The following ZNF667 variants were observed in gnomAD, a reference collection of about 807,000 sequenced individuals.
The protein encoded by ZNF667 is zinc finger protein 667, also known as myocardial ischemic preconditioning upregulated 1 ortholog.
Under a neutral mutation model 31.8 loss-of-function variants are expected in ZNF667, and 13 were observed. That is an observed-to-expected ratio of 0.41 (90% CI 0.27 to 0.65). The LOEUF (loss-of-function observed/expected upper bound fraction) is 0.65, where lower values mean the gene tolerates loss of function less well. Among genes scored for constraint, ZNF667 ranks in the 30% least tolerant of loss-of-function variants. The pLI is 0.32. For missense variants in ZNF667, 642 were observed against 725.6 expected, an observed-to-expected ratio of 0.88 and a Z score of 1.32; for synonymous variants, 228 against 247.1, an observed-to-expected ratio of 0.92 and a Z score of 0.73.
rs2042587716 is a variant in ZNF667 at position 56,440,934 on chromosome 19, T to C, written c.*228A>G. On this transcript the variant is annotated 3_prime_UTR_variant, in exon 7 of 7. Transcript: ENST00000504904. Reference sequence around the variant, plus strand: ...CACTGCGCCCAGCCAGTAATTCTTATCAAATGAAAAATGATCTTCATTCAC... The same window carrying C: ...CACTGCGCCCAGCCAGTAATTCTTACCAAATGAAAAATGATCTTCATTCAC... 7.3e-7 allele frequency: 1 copy of C among 1,367,496 alleles called. No homozygotes were observed. The allele number at this position is 1,367,496 out of a possible 1,614,324, so 84.7% of individuals were successfully genotyped here.
intron 5 of ZNF667, 75 bp downstream of exon 5, chr19:56,460,614 T>A: frequency 6.7e-7 from 1 of 1,487,898 alleles, no homozygotes; most frequent in South Asian, 1.4e-5. Flanking sequence ...TGGCTTCCAT[T>A]TTCCTGACTA....
At chr19:56,451,686 T>C (rs145551458) in intron 6 of ZNF667, among the ~76,000 whole-genome samples, 4 of 151,940 alleles carry the variant, frequency 2.6e-5, no homozygotes, top group African/African-American at 4.8e-5. Context: ...CTGGGCACCA[T>C]GGTGAAATCC....
In ZNF667 at chr19:56,477,307, A is replaced by G. The variant is rs2043435771; in HGVS notation, c.-697T>C. 6.6e-6 allele frequency: 1 copy of G among 151,764 alleles called. No homozygotes were observed. Among genetic ancestry groups the G allele is most frequent in the Non-Finnish European group, 1.5e-5 (1 of 67,922 alleles). The allele number at this position is 151,764 out of a possible 1,614,324, so 9.4% of individuals were successfully genotyped here. ...CCGGGCTCAGACCCCGGCGGCGACC[A>G]CCGAGACAGCCGAGCAGGGACTCAG... On this transcript the variant is annotated 5_prime_UTR_variant, in exon 1 of 7. Coordinates refer to ENST00000504904, the MANE Select transcript of ZNF667 (RefSeq NM_001321356.2).
intron 6 of ZNF667, among the ~76,000 whole-genome samples, chr19:56,455,210 G>A (rs548198759): frequency 6.6e-5 from 10 of 152,180 alleles, no homozygotes; most frequent in South Asian, 2.1e-4. Flanking sequence ...GGGAACCCTC[G>A]TACACTGTGG....
chr19:56,440,560 T>C lies in ZNF667; in HGVS notation c.*602A>G, dbSNP rs769155628. Reference sequence around the variant, plus strand: ...ACCTTAAATCAGGCTCAGAGCCCTATAATGGACTTCACAATTCTATTTTGT... The same window carrying C: ...ACCTTAAATCAGGCTCAGAGCCCTACAATGGACTTCACAATTCTATTTTGT... On this transcript the variant is annotated 3_prime_UTR_variant, in exon 7 of 7. Transcript: ENST00000504904. The C allele has an allele frequency of 2.1e-6, 2 of 971,852 alleles. No homozygotes were observed. Among genetic ancestry groups the C allele is most frequent in the East Asian group, 2.3e-4 (2 of 8,766 alleles). The allele number at this position is 971,852 out of a possible 1,614,324, so 60.2% of individuals were successfully genotyped here.
intron 6 of ZNF667, among the ~76,000 whole-genome samples, chr19:56,443,176 C>T (rs770238821): frequency 6.6e-6 from 1 of 152,080 alleles, no homozygotes; most frequent in Non-Finnish European, 1.5e-5. Context: ...TGTTCTAATA[C>T]TGGATCATAT....
intron 3 of ZNF667, among the ~76,000 whole-genome samples, chr19:56,469,160 C>T (rs1423083765): frequency 1.3e-5 from 2 of 152,178 alleles, no homozygotes; most frequent in African/African-American, 2.4e-5. Context: ...TCGCTGAAGC[C>T]GGCCTGTGAG....
intron 3 of ZNF667, among the ~76,000 whole-genome samples, chr19:56,467,462 CCAAG>C (rs1235306609): frequency 6.6e-6 from 1 of 152,184 alleles, no homozygotes; most frequent in Non-Finnish European, 1.5e-5. Context: ...TTTCCACACA[CCAAG>C]CAAGCAATCA....
intron 6 of ZNF667, among the ~76,000 whole-genome samples, chr19:56,446,966 T>G (rs1265301806): frequency 2.0e-5 from 3 of 152,150 alleles, no homozygotes; most frequent in Non-Finnish European, 4.4e-5. Context: ...TCTCCCCATC[T>G]TCAATGTGGA....
In ZNF667 at chr19:56,458,176, C is replaced by G; in HGVS notation, c.232G>C (p.Val78Leu). 6.2e-7 allele frequency: 1 copy of G among 1,614,238 alleles called. No individual in the cohort carries two copies. Among genetic ancestry groups the G allele is most frequent in the Non-Finnish European group, 8.5e-7 (1 of 1,180,040 alleles). Reference protein sequence around the residue: ...KGKAPWMVEPVRRRRAPDSGS... With the variant: ...KGKAPWMVEPLRRRRAPDSGS... ...TCACCAGGAGCCCGGCGTCTTCTTA[C>G]TGGCTCTACCATCCAGGGTGCTTTC... Residue 78 changes from valine (V) to leucine (L), a missense_variant, in exon 6 of 7, where the codon GTA (valine) becomes CTA (leucine). By Grantham distance (32) the Val-to-Leu change is conservative. Coordinates refer to ENST00000504904, the MANE Select transcript of ZNF667 (RefSeq NM_001321356.2).
intron 5 of ZNF667, among the ~76,000 whole-genome samples, chr19:56,459,034 A>G (rs950202392): frequency 6.6e-5 from 10 of 152,042 alleles, no homozygotes; most frequent in African/African-American, 2.4e-4. Flanking sequence ...GGGATCTGAC[A>G]CTATCTCCAG....
rs559480272 is a variant in ZNF667, at chr19:56,463,079, C to T, written c.-59-650G>A. ...GTGTACTGAGGCAGAGTGAGTGCAG[C>T]GGGGAGGGTGGGCTAAGGCAGGCAG... On this transcript the variant is annotated intron_variant, in intron 3 of 6. Coordinates refer to ENST00000504904, the MANE Select transcript of ZNF667 (RefSeq NM_001321356.2). Among the ~76,000 whole-genome samples, 14 of 151,370 alleles carry T rather than the reference C, an allele frequency of 9.2e-5. No homozygotes were observed. In the South Asian group the frequency reaches 2.3e-3, roughly 25 times the overall value.
At chr19:56,467,077 A>G (rs1568452922) in intron 3 of ZNF667, 1 of 456,450 alleles carries the variant, frequency 2.2e-6, no homozygotes, top group Non-Finnish European at 4.4e-6. Context: ...CTGGGCAAGA[A>G]GGGGCGGGGT....
rs778107100 is a variant in ZNF667 at position 56,442,532 on chromosome 19, G to A, written c.463C>T (p.Arg155Ter). The A allele has an allele frequency of 1.3e-5, 21 of 1,613,882 alleles. No homozygotes were observed. Among genetic ancestry groups the A allele is most frequent in the Non-Finnish European group, 1.7e-5 (20 of 1,179,918 alleles). Residue 155 changes from arginine to a stop codon, truncating the protein, a stop_gained, in exon 7 of 7, where the codon CGA (arginine) becomes TGA (stop). Transcript: ENST00000504904. LOFTEE classifies it low-confidence loss of function (END_TRUNC). ...KCNDCGKTFSRSFSLKLHQNI... is the reference protein window; with the variant it reads ...KCNDCGKTFS ...TGATGAAGTTTAAGAGAGAAGCTTC[G>A]ACTAAAGGTTTTACCACAGTCATTA...
rs532445098 is a variant in ZNF667, at chr19:56,440,640, A to T, written c.*522T>A. 3,500 of 834,380 alleles carry T rather than the reference A, an allele frequency of 4.2e-3. 84 individuals are homozygous for T. In the African/African-American group the frequency reaches 0.058, roughly 14 times the overall value. 51.7% of individuals were successfully genotyped at this position (834,380 alleles called of 1,614,324 possible). A position where few individuals can be genotyped will look rare whatever the true frequency, so the allele number is the denominator to read the frequency against. Reference sequence around the variant, plus strand: ...CTATGCTGGAAGTAAAATATCGGTAATTTTTTTTTTTTTTGACACAGAGTC... The same window carrying T: ...CTATGCTGGAAGTAAAATATCGGTATTTTTTTTTTTTTTTGACACAGAGTC... On this transcript the variant is annotated 3_prime_UTR_variant, in exon 7 of 7. Coordinates refer to ENST00000504904, the MANE Select transcript of ZNF667 (RefSeq NM_001321356.2).
rs761364837 is a variant in ZNF667 at position 56,441,751 on chromosome 19, A to T, written c.1244T>A (p.Phe415Tyr). 3 of 1,614,010 alleles carry T rather than the reference A, an allele frequency of 1.9e-6. No homozygotes were observed. Among genetic ancestry groups the T allele is most frequent in the Admixed American group, 3.3e-5 (2 of 59,982 alleles). The change falls in exon 7 of 7, where the codon TTT (phenylalanine) becomes TAT (tyrosine). Residue 415 changes from phenylalanine to tyrosine, a missense_variant. By Grantham distance (22) the Phe-to-Tyr change is conservative. Transcript: ENST00000504904. This position sits in a 1 kb window ranked among gnomAD's most constrained non-coding sequence, Gnocchi z 4.2. ...CATCTTCCCACATTCCTTACACTCA[A>T]ATAGTTTCTTTTTCTTTGTATGAAC... ...QKVHTKKKKL[F>Y]ECKECGKMFS...
At chr19:56,464,914 G>C (rs1213660003) in intron 3 of ZNF667, among the ~76,000 whole-genome samples, 1 of 152,134 alleles carries the variant, frequency 6.6e-6, no homozygotes, top group Non-Finnish European at 1.5e-5. Context: ...CCATTCCCTG[G>C]CCCTCCACAT....
At position 56,442,448 on chromosome 19, in the gene ZNF667, G is replaced by A. The variant is rs771496197; in HGVS notation, c.547C>T (p.Gln183Ter). 1 of 1,613,990 alleles carries A rather than the reference G, an allele frequency of 6.2e-7. No homozygotes were observed. Among genetic ancestry groups the A allele is most frequent in the Admixed American group, 1.7e-5 (1 of 60,000 alleles). ...TGATGAAGTAGGATGGATGAGATCT[G>A]TCTGAAAGCTTTTCTACAATTACTG... ...ECSNCRKAFR[Q>*]ISSILLHQRI... Residue 183 changes from glutamine (Q) to a stop codon, truncating the protein, a stop_gained, in exon 7 of 7, where the codon CAG becomes TAG. Transcript: ENST00000504904. LOFTEE classifies it low-confidence loss of function (END_TRUNC).
intron 4 of ZNF667, among the ~76,000 whole-genome samples, chr19:56,461,797 G>T (rs760932118): frequency 6.6e-6 from 1 of 152,194 alleles, no homozygotes; most frequent in East Asian, 1.9e-4. Flanking sequence ...AGGAGGCTAC[G>T]CATACAACCT....
Sources: allele counts gnomAD v4.1 joint callset (sites outside exome capture counted in the v4.1 genomes callset), GRCh38; gene constraint gnomAD v4.1.1; non-coding constraint Gnocchi (gnomAD v3.1); transcripts MANE v1.5; gene names NCBI Gene and HGNC (gene_info 2026-07-23, HGNC 2026-07-21).